Variants in ASXL3 observed in about 807,000 individuals in gnomAD.
ASXL3 encodes ASXL transcriptional regulator 3.
In ASXL3, 34 loss-of-function variants were observed where a neutral mutation model predicts 170.6. The ratio of observed to expected loss-of-function variants is 0.20; its 90% CI spans 0.15 to 0.27. The LOEUF is 0.27. Ranked by LOEUF, ASXL3 falls within the 10% of genes least tolerant of loss-of-function variation. ASXL3 has a pLI of 1.00. For missense variants in ASXL3, 2,592 were observed against 2,695.3 expected (o/e 0.96, Z 0.85); for synonymous variants, 1,002 against 989.1 (o/e 1.01, Z -0.24).
At chr18:33,687,665 G>T (rs2066618118) in intron 8 of ASXL3, among the ~76,000 whole-genome samples, 1 of 151,866 alleles carries the variant, frequency 6.6e-6, no homozygotes. Context: ...AATCTTTTTG[G>T]GTGTTTTGTT....
In ASXL3 at chr18:33,744,779, C is replaced by T. The variant is rs753159294; in HGVS notation, c.4931C>T (p.Thr1644Ile). The T allele has an allele frequency of 6.2e-7, 1 of 1,614,018 alleles. No homozygotes were observed. Among genetic ancestry groups the T allele is most frequent in the Non-Finnish European group, 8.5e-7 (1 of 1,179,906 alleles). The change falls in exon 12 of 12, where the codon ACT becomes ATT. Residue 1644 changes from threonine (T) to isoleucine (I), a missense_variant. Around this residue, in one of 4 missense-constraint regions of ASXL3, gnomAD observed 2,246 missense variants for 2,219.6 expected, o/e 1.01. Coordinates refer to ENST00000269197, the MANE Select transcript of ASXL3 (RefSeq NM_030632.3). ...LEQSCPKAIK[T>I]EHANYLNVSE... The stretch of plus-strand genomic sequence containing the variant: ...CAAAGCTGTCCAAAGGCTATCAAAA[C>T]TGAACATGCCAACTACTTGAACGTG...
At chr18:33,586,538 T>G (rs1421597538) in intron 1 of ASXL3, among the ~76,000 whole-genome samples, 1 of 152,170 alleles carries the variant, frequency 6.6e-6, no homozygotes, top group Non-Finnish European at 1.5e-5. Context: ...GATTTCTTGA[T>G]AGCTTCATTT....
intron 7 of ASXL3, among the ~76,000 whole-genome samples, chr18:33,675,385 T>A (rs1472235672): frequency 6.6e-6 from 1 of 152,076 alleles, no homozygotes. Flanking sequence ...GACATCTAAT[T>A]CATATGGTCT....
At chr18:33,606,977 G>GA (rs376678930) in intron 1 of ASXL3, among the ~76,000 whole-genome samples, 1 of 151,970 alleles carries the variant, frequency 6.6e-6, no homozygotes. Flanking sequence ...GAAGAGGAGA[G>GA]AAAGAGAATG....
chr18:33,661,778 A>G (rs374143646), intron 5 of ASXL3, 41 bp downstream of exon 5: 29 of 1,593,902 alleles, frequency 1.8e-5, no homozygotes, highest in Non-Finnish European at 2.2e-5. Context: ...TCAGTTCTGC[A>G]TACTTAAGGT....
chr18:33,659,108 G>A (rs1361768649), intron 4 of ASXL3, among the ~76,000 whole-genome samples: 1 of 152,002 alleles, frequency 6.6e-6, no homozygotes, highest in African/African-American at 2.4e-5. Context: ...GAGCTATGTA[G>A]CAGTTACCCT....
rs1167955026 is a variant in ASXL3, at chr18:33,745,705, A to G, written c.5857A>G (p.Lys1953Glu). Residue 1953 changes from lysine (K) to glutamate (E), a missense_variant, in exon 12 of 12, where the codon AAG becomes GAG. Coordinates refer to ENST00000269197, the MANE Select transcript of ASXL3 (RefSeq NM_030632.3). ...TGCAGCTCTGTTACAGGCCTCTTCC[A>G]AGACCCCAGTGGGGTGTAATGCATT... ...PTAALLQASS[K>E]TPVGCNAFAF... 4.3e-6 allele frequency: 7 copies of G among 1,613,998 alleles called. No individual in the cohort carries two copies. The highest frequency in any genetic ancestry group is 1.7e-5 in the Admixed American group (1 of 60,020).
rs1479150773 is a variant in ASXL3 at position 33,646,225 on chromosome 18, CA to C, written c.247-19del. ...CTAATACATCTTCTCCATAAATCAT[CA>C]CTTTTCAAAATAATACAGAAAGAGG... On this transcript the variant is annotated intron_variant, in intron 3 of 11. Coordinates refer to ENST00000269197, the MANE Select transcript of ASXL3 (RefSeq NM_030632.3). 6.3e-7 allele frequency: 1 copy of C among 1,592,406 alleles called. No individual in the cohort carries two copies. Among genetic ancestry groups the C allele is most frequent in the African/African-American group, 1.3e-5 (1 of 74,402 alleles).
chr18:33,632,732 C>T (rs899844787), intron 2 of ASXL3, among the ~76,000 whole-genome samples: 3 of 152,122 alleles, frequency 2.0e-5, no homozygotes, highest in Admixed American at 6.6e-5. Context: ...AGTTCTCTGG[C>T]GAAGCTTGCT....
At chr18:33,676,529 T>C (rs1406950425) in intron 7 of ASXL3, among the ~76,000 whole-genome samples, 2 of 152,180 alleles carry the variant, frequency 1.3e-5, no homozygotes, top group Non-Finnish European at 2.9e-5. Context: ...ACTTTGGTGG[T>C]CCCTTTCCTA....
At chr18:33,604,235 G>C (rs1023714312) in intron 1 of ASXL3, among the ~76,000 whole-genome samples, 3 of 151,916 alleles carry the variant, frequency 2.0e-5, no homozygotes, top group Non-Finnish European at 4.4e-5. Flanking sequence ...TATTCATATA[G>C]ATAATAATTA....
Position 33,678,484 on chromosome 18 carries a change from T to C in ASXL3, c.716-4921T>C, listed in dbSNP as rs1450599849. ...ATAAGTGTTCTGGAGCCTGCAACTT[T>C]CACAAATTGTGGTCTTCAAATTCCC... On this transcript the variant is annotated intron_variant, in intron 7 of 11. Coordinates refer to ENST00000269197, the MANE Select transcript of ASXL3 (RefSeq NM_030632.3). Among the ~76,000 whole-genome samples, 7 of 152,336 alleles carry C rather than the reference T, an allele frequency of 4.6e-5. No individual in the cohort carries two copies. The South Asian group carries it at 1.4e-3, about 32-fold the overall frequency.
chr18:33,606,428 A>G (rs566597263), intron 1 of ASXL3, among the ~76,000 whole-genome samples: 3 of 151,994 alleles, frequency 2.0e-5, no homozygotes, highest in Admixed American at 1.3e-4. Flanking sequence ...CTGAAAGGTT[A>G]GGATGGGCAG....
At chr18:33,659,272 T>A (rs919067004) in intron 4 of ASXL3, among the ~76,000 whole-genome samples, 2 of 152,028 alleles carry the variant, frequency 1.3e-5, no homozygotes, top group African/African-American at 2.4e-5. Context: ...AATAATAGCA[T>A]TTTCTAAACA....
At chr18:33,672,460 C>T (rs931173818) in intron 7 of ASXL3, among the ~76,000 whole-genome samples, 3 of 152,056 alleles carry the variant, frequency 2.0e-5, no homozygotes, top group African/African-American at 7.3e-5. Flanking sequence ...ATCAGGAACC[C>T]CCAACAGCAT....
intron 2 of ASXL3, among the ~76,000 whole-genome samples, chr18:33,643,545 T>C (rs933912152): frequency 5.3e-5 from 8 of 151,934 alleles, no homozygotes; most frequent in African/African-American, 1.9e-4. Context: ...ACAGAGAAGC[T>C]GCTTCCTAAA....
At chr18:33,638,744 A>G (rs1184387806) in intron 2 of ASXL3, among the ~76,000 whole-genome samples, 1 of 152,182 alleles carries the variant, frequency 6.6e-6, no homozygotes, top group Non-Finnish European at 1.5e-5. Flanking sequence ...TCATGTCTAT[A>G]AAACTGGGAA....
chr18:33,578,352 C>G lies in ASXL3; in HGVS notation c.-280C>G, dbSNP rs2064959980. 2 of 132,634 alleles carry G rather than the reference C, an allele frequency of 1.5e-5. No homozygotes were observed. The highest frequency in any genetic ancestry group is 2.7e-5 in the African/African-American group (1 of 36,370). The allele number at this position is 132,634 out of a possible 1,614,324, so 8.2% of individuals were successfully genotyped here. On this transcript the variant is annotated 5_prime_UTR_variant, in exon 1 of 12. Transcript: ENST00000269197. ...CCGCCCCCGCCCCTGGCCCGGGCCC[C>G]GCTGCTGCCGCCGCCCCCGCCCCCG...
chr18:33,723,482 A>C (rs1351297730), intron 8 of ASXL3, among the ~76,000 whole-genome samples: 2 of 152,186 alleles, frequency 1.3e-5, no homozygotes, highest in East Asian at 3.9e-4. Flanking sequence ...TAGAATTAGA[A>C]GTAGAGCCTG....
Sources: allele counts gnomAD v4.1 joint callset (sites outside exome capture counted in the v4.1 genomes callset), GRCh38; gene constraint gnomAD v4.1.1; regional missense constraint gnomAD v4.1.1; transcripts MANE v1.5; gene names NCBI Gene and HGNC (gene_info 2026-07-23, HGNC 2026-07-21).